Variants in SLC35D2 observed in about 807,000 individuals in gnomAD.
The protein encoded by SLC35D2 is nucleotide sugar transporter SLC35D2.
SLC35D2 carries 43 observed loss-of-function variants against 41.8 expected under a neutral mutation model. That is an observed-to-expected ratio of 1.03 (90% CI 0.81 to 1.33). SLC35D2 has a LOEUF of 1.33. Ranked by LOEUF, SLC35D2 falls within the 40% of genes most tolerant of loss-of-function variation. SLC35D2 has a pLI of 0.00. For synonymous variants in SLC35D2, 150 were observed against 163.9 expected, an observed-to-expected ratio of 0.92 and a Z score of 0.65; for missense variants, 380 against 408.4, an observed-to-expected ratio of 0.93 and a Z score of 0.60.
At chr9:96,346,441 G>C (rs550799793) in intron 6 of SLC35D2, among the ~76,000 whole-genome samples, 22 of 152,138 alleles carry the variant, frequency 1.4e-4, no homozygotes, top group Non-Finnish European at 2.9e-4. Flanking sequence ...CCGACCCTCC[G>C]TCCAGTGATA....
chr9:96,358,080 TTATATA>T lies in SLC35D2; in HGVS notation c.347+2068_347+2073del, dbSNP rs34633441. ...ATGGATAAACAAAATATTATATATTTTATATATATATATATATATATATATATACCT... is the reference window on the plus strand; with the variant it reads ...ATGGATAAACAAAATATTATATATTTTATATATATATATATATATATACCT... On this transcript the variant is annotated intron_variant, in intron 4 of 11. Transcript: ENST00000253270. Among the ~76,000 whole-genome samples the T allele has an allele frequency of 1.1e-3, 133 of 122,692 alleles. 4 individuals are homozygous for T. The highest frequency in any genetic ancestry group is 8.1e-3 in the Middle Eastern group (2 of 246). 80.5% of individuals were successfully genotyped at this position (122,692 alleles called of 152,430 possible).
intron 3 of SLC35D2, among the ~76,000 whole-genome samples, chr9:96,363,481 T>C (rs1424156890): frequency 6.6e-6 from 1 of 152,196 alleles, no homozygotes; most frequent in Non-Finnish European, 1.5e-5. Context: ...AATCCATAAA[T>C]ACCACCTGTT....
At chr9:96,343,066 G>A (rs541431613) in intron 8 of SLC35D2, among the ~76,000 whole-genome samples, 29 of 152,268 alleles carry the variant, frequency 1.9e-4, no homozygotes, top group African/African-American at 6.7e-4. Context: ...ATCGCATCTC[G>A]TTTCTCACAG....
At chr9:96,371,474 C>A (rs1169172906) in intron 1 of SLC35D2, among the ~76,000 whole-genome samples, 5 of 46,644 alleles carry the variant, frequency 1.1e-4, no homozygotes, top group Non-Finnish European at 1.5e-4. Context: ...GACTCTGTCT[C>A]AAAAAAAAAA....
intron 6 of SLC35D2, among the ~76,000 whole-genome samples, chr9:96,348,909 C>A (rs1287339039): frequency 1.3e-5 from 2 of 152,204 alleles, no homozygotes; most frequent in Admixed American, 1.3e-4. Flanking sequence ...CAAAGACTTA[C>A]CACAGTTTTA....
intron 1 of SLC35D2, among the ~76,000 whole-genome samples, chr9:96,369,329 T>G (rs1830593137): frequency 6.6e-6 from 1 of 152,158 alleles, no homozygotes; most frequent in Non-Finnish European, 1.5e-5. Context: ...AACTTGCTAT[T>G]GTAGTGAGGT....
intron 3 of SLC35D2, among the ~76,000 whole-genome samples, chr9:96,364,258 C>G (rs1830393328): frequency 6.6e-6 from 1 of 152,082 alleles, no homozygotes; most frequent in Non-Finnish European, 1.5e-5. Context: ...TCACTTGAAC[C>G]CAGGAGGCGG....
At chr9:96,339,099 A>G (rs1829187149) in intron 8 of SLC35D2, among the ~76,000 whole-genome samples, 2 of 152,138 alleles carry the variant, frequency 1.3e-5, no homozygotes, top group Admixed American at 1.3e-4. Flanking sequence ...TAGATTCTTC[A>G]CCAACCTAAA....
intron 4 of SLC35D2, 63 bp from the exon 5 acceptor site, chr9:96,352,172 C>T (rs2130937328): frequency 9.4e-7 from 1 of 1,065,212 alleles, no homozygotes; most frequent in East Asian, 2.5e-5. Context: ...TTATCTTTTA[C>T]ATGTTTTACA....
intron 4 of SLC35D2, among the ~76,000 whole-genome samples, chr9:96,358,205 C>A (rs1830120191): frequency 6.7e-6 from 1 of 149,204 alleles, no homozygotes; most frequent in Admixed American, 6.7e-5. Flanking sequence ...AGAGAATAAG[C>A]CAGACAAAAA....
chr9:96,380,950 G>A (rs900042302), intron 1 of SLC35D2, among the ~76,000 whole-genome samples: 1 of 152,070 alleles, frequency 6.6e-6, no homozygotes, highest in African/African-American at 2.4e-5. Context: ...GAATACTGAC[G>A]GCCACAGGAT....
chr9:96,381,561 C>T (rs1244819327), intron 1 of SLC35D2, among the ~76,000 whole-genome samples: 1 of 152,180 alleles, frequency 6.6e-6, no homozygotes, highest in Admixed American at 6.5e-5. Context: ...ATACTCTCCC[C>T]TCCCTCTCTC....
At position 96,336,741 on chromosome 9, in the gene SLC35D2, T is replaced by G. The variant is rs757347905; in HGVS notation, c.728A>C (p.Gln243Pro). 3.1e-6 allele frequency: 5 copies of G among 1,587,550 alleles called. 1 individual carries two copies. In the South Asian group the frequency reaches 5.6e-5, roughly 18 times the overall value. ...NQWKNVVFIL[Q>P]FLLSCFLGFL... Reference sequence around the variant, plus strand: ...CCCCAAAAAACAGGAAAGAAGAAACTGTAGGATAAACACAACATTCTTCCA... The same window carrying G: ...CCCCAAAAAACAGGAAAGAAGAAACGGTAGGATAAACACAACATTCTTCCA... Residue 243 changes from glutamine to proline, a missense_variant, in exon 9 of 12, where the codon CAG becomes CCG. Transcript: ENST00000253270.
chr9:96,326,286 G>A (rs1006432109), intron 9 of SLC35D2, among the ~76,000 whole-genome samples: 7 of 152,142 alleles, frequency 4.6e-5, no homozygotes, highest in African/African-American at 1.7e-4. Flanking sequence ...AAAGTAGGCA[G>A]CTCCCATTTG....
At chr9:96,360,830 C>A (rs1400933943) in intron 3 of SLC35D2, among the ~76,000 whole-genome samples, 1 of 151,794 alleles carries the variant, frequency 6.6e-6, no homozygotes, top group Non-Finnish European at 1.5e-5. Context: ...CAACCTCTAC[C>A]TCCCAGGTTC....
chr9:96,324,409 A>ATT (rs1828410197), intron 9 of SLC35D2, among the ~76,000 whole-genome samples: 2 of 152,220 alleles, frequency 1.3e-5, no homozygotes, highest in Non-Finnish European at 2.9e-5. Flanking sequence ...TTTTCTCTGT[A>ATT]CATTTCCAAT....
chr9:96,331,788 G>A (rs12555725), intron 9 of SLC35D2, among the ~76,000 whole-genome samples: 20,141 of 152,198 alleles, frequency 0.13, 1,799 homozygotes, highest in East Asian at 0.28. Flanking sequence ...AAGCATGTCC[G>A]CCTGAGCTCC....
chr9:96,347,491 A>T (rs1167845890), intron 6 of SLC35D2, among the ~76,000 whole-genome samples: 1 of 152,192 alleles, frequency 6.6e-6, no homozygotes, highest in African/African-American at 2.4e-5. Context: ...CTCCCATCTC[A>T]GTCTCCTGAG....
At chr9:96,331,481 G>A (rs1256585689) in intron 9 of SLC35D2, among the ~76,000 whole-genome samples, 2 of 151,910 alleles carry the variant, frequency 1.3e-5, no homozygotes, top group African/African-American at 2.4e-5. Flanking sequence ...CTCACTTCCT[G>A]ACATACCCTC....
Sources: allele counts gnomAD v4.1 joint callset (sites outside exome capture counted in the v4.1 genomes callset), GRCh38; gene constraint gnomAD v4.1.1; transcripts MANE v1.5; gene names NCBI Gene and HGNC (gene_info 2026-07-23, HGNC 2026-07-21).